The following TRIM39 variants were observed in gnomAD, a reference collection of about 807,000 sequenced individuals.
TRIM39 encodes the protein tripartite motif containing 39, also known as E3 ubiquitin-protein ligase TRIM39.
TRIM39 carries 5 observed loss-of-function variants against 53.6 expected under a neutral mutation model. The ratio of observed to expected loss-of-function variants is 0.09; its 90% CI spans 0.05 to 0.20. The LOEUF (loss-of-function observed/expected upper bound fraction) is 0.20, where lower values mean the gene tolerates loss of function less well. Among genes scored for constraint, TRIM39 ranks in the 10% least tolerant of loss-of-function variants. TRIM39 has a pLI of 1.00. For synonymous variants in TRIM39, 196 were observed against 237.6 expected (o/e 0.82, Z 1.61); for missense variants, 310 against 621.0 (o/e 0.50, Z 5.32).
exon 8 of TRIM39, chr6:30,341,794 A>G: frequency 1.2e-6 from 2 of 1,612,962 alleles, no homozygotes. Flanking sequence ...TCGTGGAGAC[A>G]AGACTCCGGG....
chr6:30,330,758 C>G, intron 3 of TRIM39, 23 bp from the exon 4 acceptor site: 1 of 1,613,326 alleles, frequency 6.2e-7, no homozygotes, highest in Non-Finnish European at 8.5e-7. Flanking sequence ...TGTCACCTCT[C>G]CCACTTCCTC....
exon 3 of TRIM39, chr6:30,329,671 T>C: frequency 6.2e-7 from 1 of 1,613,064 alleles, no homozygotes; most frequent in Non-Finnish European, 8.5e-7. Context: ...GCCTTTTCTG[T>C]TATGAGGACC....
In TRIM39 at chr6:30,339,582, C is replaced by T. The variant is rs1787254836; in HGVS notation, c.781-326C>T. 2.6e-5 allele frequency among the ~76,000 whole-genome samples: 4 copies of T among 152,266 alleles called. No homozygotes were observed. Among genetic ancestry groups the T allele is most frequent in the Admixed American group, 2.6e-4 (4 of 15,300 alleles). On this transcript the variant is annotated intron_variant, in intron 5 of 7. Transcript: ENST00000396551. The surrounding 1 kb of genome is among the most constrained non-coding windows in gnomAD (Gnocchi z 4.2). ...AGGAGAGTGAGATATGTGGTTGGTA[C>T]TTGGGGGACAGAGTAAAGAATTGAT...
chr6:30,340,012 T>A (rs1787310007), intron 6 of TRIM39, 82 bp downstream of exon 6: 2 of 1,605,340 alleles, frequency 1.2e-6, no homozygotes, highest in Non-Finnish European at 1.7e-6. Flanking sequence ...GGGTTGGGGG[T>A]GAGGTTGGGA....
At chr6:30,341,626 C>G in intron 7 of TRIM39, 86 bp from the exon 8 acceptor site, 1 of 1,499,722 alleles carries the variant, frequency 6.7e-7, no homozygotes, top group Non-Finnish European at 8.9e-7. Flanking sequence ...GGACCAGGCT[C>G]TGTAAAGGCA....
chr6:30,337,349 G>A (rs1380489095), intron 5 of TRIM39, among the ~76,000 whole-genome samples: 1 of 152,104 alleles, frequency 6.6e-6, no homozygotes, highest in Admixed American at 6.6e-5. Context: ...AGGTTGCAGT[G>A]AGCCAAGATC....
chr6:30,333,015 A>G (rs549127838), intron 4 of TRIM39, among the ~76,000 whole-genome samples: 2 of 152,358 alleles, frequency 1.3e-5, no homozygotes, highest in South Asian at 4.1e-4. Context: ...AAAATGTGGT[A>G]TGTAATATTT....
Position 30,342,323 on chromosome 6 carries a change from G to A in TRIM39, c.*64G>A. The A allele has an allele frequency of 6.5e-7, 1 of 1,540,012 alleles. No homozygotes were observed. Among genetic ancestry groups the A allele is most frequent in the Non-Finnish European group, 8.9e-7 (1 of 1,126,644 alleles). On this transcript the variant is annotated 3_prime_UTR_variant, in exon 8 of 8. Coordinates refer to ENST00000396551, the Ensembl canonical transcript of TRIM39. The surrounding 1 kb of genome is among the most constrained non-coding windows in gnomAD (Gnocchi z 4.7). ...CAAGTGCTACGGGCCTCCTTCCCGT[G>A]TCCTGCTGGAACGTCTTCGTGTCCA...
At chr6:30,340,514 G>A (rs751798210) in exon 7 of TRIM39, 1 of 1,612,986 alleles carries the variant, frequency 6.2e-7, no homozygotes. Flanking sequence ...GATGTGAAAA[G>A]GTGAAGACCA....
chr6:30,339,351 G>T lies in TRIM39; in HGVS notation c.781-557G>T, dbSNP rs187853497. On this transcript the variant is annotated intron_variant, in intron 5 of 7. Transcript: ENST00000396551. This position sits in a 1 kb window ranked among gnomAD's most constrained non-coding sequence, Gnocchi z 4.2. ...TTTAGTAAAGACAGGGTTTCACCAT[G>T]TTGGCTAGGCTGGTCTTGAACTCCT... Among the ~76,000 whole-genome samples the T allele has an allele frequency of 2.0e-3, 309 of 152,206 alleles. 1 individual carries two copies. The highest frequency in any genetic ancestry group is 6.8e-3 in the African/African-American group (284 of 41,522).
At chr6:30,340,868 A>G (rs1787435717) in intron 7 of TRIM39, among the ~76,000 whole-genome samples, 1 of 152,172 alleles carries the variant, frequency 6.6e-6, no homozygotes, top group Non-Finnish European at 1.5e-5. Context: ...ATAATTTGCC[A>G]AAGTCATCGG....
rs571258658 is a variant in TRIM39 at position 30,333,869 on chromosome 6, G to C, written c.550-1876G>C. ...TCAAGAACCACTGCCCTAAAATATA[G>C]AGTGAAAAAAAGAGAAAAGATTACC... is the stretch of plus-strand genomic sequence containing the variant. On this transcript the variant is annotated intron_variant, in intron 4 of 7. Transcript: ENST00000396551. Among the ~76,000 whole-genome samples the C allele has an allele frequency of 3.9e-5, 6 of 152,102 alleles. No homozygotes were observed. The East Asian group carries it at 9.7e-4, about 24-fold the overall frequency.
chr6:30,331,875 A>C (rs1786223108), intron 4 of TRIM39, among the ~76,000 whole-genome samples: 1 of 152,204 alleles, frequency 6.6e-6, no homozygotes, highest in Non-Finnish European at 1.5e-5. Flanking sequence ...GTGAACAATT[A>C]TCATTTGTAG....
chr6:30,329,260 AAAC>A lies in TRIM39; in HGVS notation c.-7-50_-7-48del, dbSNP rs757259500. On this transcript the variant is annotated intron_variant, in intron 2 of 7. Coordinates refer to ENST00000396551, the Ensembl canonical transcript of TRIM39. ...GGGATGCAAAAAAAAAAAAAAGAAA[AAAC>A]CTCCAATTAATATTTTTATTTTCTC... The A allele has an allele frequency of 8.9e-5, 136 of 1,532,692 alleles. 1 individual carries two copies. The highest frequency in any genetic ancestry group is 3.8e-4 in the Middle Eastern group (2 of 5,286). The allele number at this position is 1,532,692 out of a possible 1,614,324, so 94.9% of individuals were successfully genotyped here. A position where few individuals can be genotyped will look rare whatever the true frequency, so the allele number is the denominator to read the frequency against.
Position 30,338,016 on chromosome 6 carries a change from T to C in TRIM39, c.781-1892T>C, listed in dbSNP as rs916153065. ...AACCTACCTAACTTTAAACTTTTCT[T>C]CTGCAGCTTCCTTACCTCTCTCAGC... On this transcript the variant is annotated intron_variant, in intron 5 of 7. Transcript: ENST00000396551. This position sits in a 1 kb window ranked among gnomAD's most constrained non-coding sequence, Gnocchi z 4.0. 6.6e-6 allele frequency among the ~76,000 whole-genome samples: 1 copy of C among 152,236 alleles called. No individual in the cohort carries two copies. The highest frequency in any genetic ancestry group is 1.5e-5 in the Non-Finnish European group (1 of 68,036).
chr6:30,326,622 G>C (rs963426788), exon 1 of TRIM39: 25 of 152,386 alleles, frequency 1.6e-4, no homozygotes, highest in African/African-American at 3.1e-4. Flanking sequence ...CGGGGCGCCA[G>C]TCCAGCGCCC....
rs756720320 is a variant in TRIM39, at chr6:30,339,950, C to G, written c.803+20C>G. On this transcript the variant is annotated intron_variant, in intron 6 of 7. Coordinates refer to ENST00000396551, the Ensembl canonical transcript of TRIM39. The surrounding 1 kb of genome is among the most constrained non-coding windows in gnomAD (Gnocchi z 4.2). ...GGAAAAGTAAGTGATTGTTGTATCTCTCTGAGTGAGTTAGGTCTTGGCTTA... is the reference window on the plus strand; with the variant it reads ...GGAAAAGTAAGTGATTGTTGTATCTGTCTGAGTGAGTTAGGTCTTGGCTTA... 27 of 1,614,082 alleles carry G rather than the reference C, an allele frequency of 1.7e-5. No individual in the cohort carries two copies. The highest frequency in any genetic ancestry group is 1.8e-5 in the Non-Finnish European group (21 of 1,180,010).
exon 1 of TRIM39, chr6:30,326,861 C>G (rs969249154): frequency 1.3e-5 from 2 of 152,466 alleles, no homozygotes; most frequent in Non-Finnish European, 2.9e-5. Context: ...TCCACTGACA[C>G]GAGCCTCGGC....
intron 2 of TRIM39, 54 bp downstream of exon 2, chr6:30,329,095 A>G (rs1785793683): frequency 1.7e-6 from 1 of 575,886 alleles, no homozygotes; most frequent in Non-Finnish European, 3.0e-6. Context: ...CTAACAAGAA[A>G]AAAAAGGTTG....
Sources: gnomAD v4.1 joint callset for allele counts (sites outside exome capture counted in the v4.1 genomes callset) on GRCh38, gnomAD v4.1.1 for gene constraint, Gnocchi (gnomAD v3.1) non-coding constraint, MANE v1.5 for transcripts, NCBI Gene and HGNC (gene_info 2026-07-23, HGNC 2026-07-21) for gene names.